Variants in PRKCE observed in about 807,000 individuals in gnomAD.
The protein encoded by PRKCE is protein kinase C epsilon.
Under a neutral mutation model 85.4 loss-of-function variants are expected in PRKCE, and 16 were observed. That is an observed-to-expected ratio of 0.19 (90% CI 0.13 to 0.28). The LOEUF (loss-of-function observed/expected upper bound fraction) is 0.28. Among genes scored for constraint, PRKCE ranks in the 10% least tolerant of loss-of-function variants. The probability of loss-of-function intolerance (pLI) is 1.00; values close to 1 mark genes in which losing one functional copy is unlikely to be tolerated. For synonymous variants in PRKCE, 388 were observed against 371.5 expected, an observed-to-expected ratio of 1.04 and a Z score of -0.51; for missense variants, 573 against 975.2, an observed-to-expected ratio of 0.59 and a Z score of 5.49.
chr2:46,039,469 C>G (rs1574306408), intron 10 of PRKCE, among the ~76,000 whole-genome samples: 2 of 152,100 alleles, frequency 1.3e-5, no homozygotes. Context: ...GAGGCCTGTT[C>G]TTCTAACCCT....
intron 2 of PRKCE, among the ~76,000 whole-genome samples, chr2:45,965,236 A>G (rs1701656074): frequency 2.0e-5 from 3 of 152,266 alleles, no homozygotes; most frequent in African/African-American, 4.8e-5. Flanking sequence ...CATGTAGAAC[A>G]TATTCTTTGA....
chr2:46,055,560 C>T (rs1394840933), intron 10 of PRKCE, among the ~76,000 whole-genome samples: 1 of 152,136 alleles, frequency 6.6e-6, no homozygotes. Flanking sequence ...TCTTTTATAC[C>T]CCTACCAGAT....
intron 10 of PRKCE, among the ~76,000 whole-genome samples, chr2:46,076,658 T>G (rs1668580410): frequency 6.6e-6 from 1 of 152,078 alleles, no homozygotes; most frequent in South Asian, 2.1e-4. Context: ...GAGTGGAGTT[T>G]TTACCATTTG....
chr2:45,854,106 C>G (rs562303535), intron 2 of PRKCE, among the ~76,000 whole-genome samples: 1 of 152,320 alleles, frequency 6.6e-6, no homozygotes, highest in South Asian at 2.1e-4. Context: ...TTGTGCCCTG[C>G]TTGCCCCATC....
At chr2:45,877,541 C>T (rs2016472) in intron 2 of PRKCE, among the ~76,000 whole-genome samples, 3,215 of 152,136 alleles carry the variant, frequency 0.021, 42 homozygotes, top group Non-Finnish European at 0.03. Flanking sequence ...ACTGTTACAT[C>T]GAGTTTTTAA....
chr2:46,059,568 G>A (rs891835157), intron 10 of PRKCE, among the ~76,000 whole-genome samples: 4 of 152,192 alleles, frequency 2.6e-5, no homozygotes, highest in East Asian at 1.9e-4. Context: ...CACATTTGCA[G>A]AGATTAGTTA....
chr2:46,025,287 G>A (rs532391677), intron 10 of PRKCE, among the ~76,000 whole-genome samples: 1 of 152,276 alleles, frequency 6.6e-6, no homozygotes, highest in Non-Finnish European at 1.5e-5. Context: ...ACCAGGGAAC[G>A]TAAGACATCT....
intron 2 of PRKCE, among the ~76,000 whole-genome samples, chr2:45,869,108 T>C (rs1693870458): frequency 6.6e-6 from 1 of 152,338 alleles, no homozygotes; most frequent in South Asian, 2.1e-4. Context: ...TTCTTTGTGA[T>C]AGGTGATCTA....
At chr2:46,062,668 CTTTTT>C (rs71394871) in intron 10 of PRKCE, among the ~76,000 whole-genome samples, 1 of 73,260 alleles carries the variant, frequency 1.4e-5, no homozygotes, top group African/African-American at 6.0e-5. Context: ...AAAGCTCAGC[CTTTTT>C]TTTTTTTTTT....
At chr2:45,922,996 A>T (rs560251286) in intron 2 of PRKCE, among the ~76,000 whole-genome samples, 66 of 152,334 alleles carry the variant, frequency 4.3e-4, no homozygotes, top group Non-Finnish European at 6.8e-4. Flanking sequence ...TCCTCAAGAT[A>T]TAAGAGGAGA....
chr2:45,745,513 C>T (rs187042579), intron 1 of PRKCE, among the ~76,000 whole-genome samples: 1 of 152,326 alleles, frequency 6.6e-6, no homozygotes, highest in African/African-American at 2.4e-5. Context: ...TTCCAGGAAG[C>T]TTGCTTTCTT....
chr2:45,725,186 C>G (rs548343578), intron 1 of PRKCE, among the ~76,000 whole-genome samples: 2 of 152,222 alleles, frequency 1.3e-5, no homozygotes, highest in Non-Finnish European at 2.9e-5. Flanking sequence ...TGCTCGTGCT[C>G]TGTCAATGGA....
chr2:45,853,073 G>A (rs1313502605), intron 2 of PRKCE, among the ~76,000 whole-genome samples: 1 of 152,194 alleles, frequency 6.6e-6, no homozygotes, highest in Non-Finnish European at 1.5e-5. Context: ...AAGGAAATGT[G>A]CAGATTTTTC....
In PRKCE at chr2:46,068,472, G is replaced by A. The variant is rs1333183612; in HGVS notation, c.1438-17736G>A. The stretch of plus-strand genomic sequence containing the variant: ...TCATTATTTATTGGTGTACCATTAG[G>A]TGCAAGGTATAATTCCTACTCATGA... On this transcript the variant is annotated intron_variant, in intron 10 of 14. Coordinates refer to ENST00000306156, the MANE Select transcript of PRKCE (RefSeq NM_005400.3). The surrounding 1 kb of genome is among the most constrained non-coding windows in gnomAD (Gnocchi z 4.3). Among the ~76,000 whole-genome samples the A allele has an allele frequency of 6.6e-6, 1 of 152,080 alleles. No individual in the cohort carries two copies. The highest frequency in any genetic ancestry group is 2.1e-4 in the South Asian group (1 of 4,816).
intron 1 of PRKCE, among the ~76,000 whole-genome samples, chr2:45,667,103 G>A (rs1675949338): frequency 6.6e-6 from 1 of 152,168 alleles, no homozygotes; most frequent in African/African-American, 2.4e-5. Flanking sequence ...CTGAGGTCAG[G>A]AGTTCGAGAC....
chr2:45,671,911 A>G (rs1267397737), intron 1 of PRKCE, among the ~76,000 whole-genome samples: 1 of 152,114 alleles, frequency 6.6e-6, no homozygotes, highest in Non-Finnish European at 1.5e-5. Flanking sequence ...AACATTTTAC[A>G]AATTATCTAG....
intron 11 of PRKCE, among the ~76,000 whole-genome samples, chr2:46,135,276 T>C (rs1422987055): frequency 6.6e-6 from 1 of 152,216 alleles, no homozygotes; most frequent in African/African-American, 2.4e-5. Context: ...ACTACAACTG[T>C]GTTCTCTATC....
chr2:46,007,558 T>C lies in PRKCE; in HGVS notation c.1160T>C (p.Met387Thr). Residue 387 changes from methionine (M) to threonine (T), a missense_variant, in exon 9 of 15, where the codon ATG (methionine) becomes ACG (threonine). Met to Thr is a moderately conservative substitution (Grantham distance 81). Around this residue, in one of 11 missense-constraint regions of PRKCE, gnomAD observed 117 missense variants for 104.8 expected, o/e 1.12. Transcript: ENST00000306156. ...GCATCGTCTCCTGATGGCCAGCTGA[T>C]GAGCCCCGGTGAGAATGGCGAAGTC... Reference protein sequence around the residue: ...RAASSPDGQLMSPGENGEVRQ... With the variant: ...RAASSPDGQLTSPGENGEVRQ... 1 of 1,599,786 alleles carries C rather than the reference T, an allele frequency of 6.3e-7. No homozygotes were observed. The highest frequency in any genetic ancestry group is 8.5e-7 in the Non-Finnish European group (1 of 1,179,960).
In PRKCE at chr2:46,185,570, T is replaced by A. The variant is rs1680392678; in HGVS notation, c.*689T>A. The A allele has an allele frequency of 6.5e-6, 1 of 152,694 alleles. No individual in the cohort carries two copies. The highest frequency in any genetic ancestry group is 2.4e-5 in the African/African-American group (1 of 41,464). The allele number at this position is 152,694 out of a possible 1,614,324, so 9.5% of individuals were successfully genotyped here. A position where few individuals can be genotyped will look rare whatever the true frequency, so the allele number is the denominator to read the frequency against. ...AAAAGAAACAGGGTTTTGAACTCTG[T>A]TAACATTTGAAAAATATATTTTCAA... On this transcript the variant is annotated 3_prime_UTR_variant, in exon 15 of 15. Coordinates refer to ENST00000306156, the MANE Select transcript of PRKCE (RefSeq NM_005400.3). This position sits in a 1 kb window ranked among gnomAD's most constrained non-coding sequence, Gnocchi z 4.7.
Sources: allele counts gnomAD v4.1 joint callset (sites outside exome capture counted in the v4.1 genomes callset), GRCh38; gene constraint gnomAD v4.1.1; regional missense constraint gnomAD v4.1.1; non-coding constraint Gnocchi (gnomAD v3.1); transcripts MANE v1.5; gene names NCBI Gene and HGNC (gene_info 2026-07-23, HGNC 2026-07-21).